GMDS: variants seen among roughly 807,000 people sequenced by gnomAD.
The protein encoded by GMDS is GDP-mannose 4,6-dehydratase, also known as GDP-mannose 4,6 dehydratase.
In GMDS, 20 loss-of-function variants were observed where a neutral mutation model predicts 49.9. That is an observed-to-expected ratio of 0.40 (90% confidence interval 0.28 to 0.58). The LOEUF is 0.58. Among genes scored for constraint, GMDS ranks in the 20% least tolerant of loss-of-function variants. The pLI, the probability that GMDS is intolerant of heterozygous loss-of-function variation, is 0.42. For missense variants in GMDS, 362 were observed against 481.4 expected (o/e 0.75, Z 2.32); for synonymous variants, 177 against 178.6 (o/e 0.99, Z 0.07).
At chr6:2,164,684 G>A (rs1777572497) in intron 1 of GMDS, among the ~76,000 whole-genome samples, 1 of 152,180 alleles carries the variant, frequency 6.6e-6, no homozygotes, top group Non-Finnish European at 1.5e-5. Flanking sequence ...CACCCTATGA[G>A]ACTGGGAGTT....
intron 7 of GMDS, among the ~76,000 whole-genome samples, chr6:1,827,088 G>A (rs976315065): frequency 3.0e-5 from 4 of 132,316 alleles, no homozygotes; most frequent in Non-Finnish European, 3.2e-5. Flanking sequence ...ATGTGTGTGT[G>A]TGTGTGTGTG....
At chr6:2,146,379 C>T (rs962831501) in intron 1 of GMDS, among the ~76,000 whole-genome samples, 1 of 152,108 alleles carries the variant, frequency 6.6e-6, no homozygotes, top group Non-Finnish European at 1.5e-5. Flanking sequence ...TCAACAGTTA[C>T]AGGGCAAGAG....
intron 9 of GMDS, among the ~76,000 whole-genome samples, chr6:1,644,964 C>T (rs1763442428): frequency 1.4e-5 from 2 of 144,206 alleles, no homozygotes; most frequent in African/African-American, 2.6e-5. Context: ...GAGACGGAGT[C>T]TTGCTTTGTC....
At chr6:2,095,108 C>T (rs571204620) in intron 4 of GMDS, among the ~76,000 whole-genome samples, 1 of 152,230 alleles carries the variant, frequency 6.6e-6, no homozygotes, top group East Asian at 1.9e-4. Flanking sequence ...TACATATTCT[C>T]ATATTCTATT....
intron 4 of GMDS, among the ~76,000 whole-genome samples, chr6:2,074,414 T>C (rs946738403): frequency 4.6e-5 from 7 of 152,142 alleles, no homozygotes; most frequent in East Asian, 3.9e-4. Flanking sequence ...TATCAGTCCA[T>C]TGTTGGATGA....
At chr6:1,888,866 T>C (rs1166124375) in intron 7 of GMDS, among the ~76,000 whole-genome samples, 1 of 152,188 alleles carries the variant, frequency 6.6e-6, no homozygotes, top group African/African-American at 2.4e-5. Flanking sequence ...ACAGGTCCCA[T>C]TCAAGTCTGA....
intron 4 of GMDS, among the ~76,000 whole-genome samples, chr6:2,061,459 G>A (rs1012478275): frequency 2.0e-5 from 3 of 152,116 alleles, no homozygotes; most frequent in Admixed American, 6.5e-5. Context: ...GCTCATGCCC[G>A]TAATCCCAAC....
intron 4 of GMDS, among the ~76,000 whole-genome samples, chr6:1,975,571 G>A (rs559583820): frequency 2.0e-5 from 3 of 152,142 alleles, no homozygotes; most frequent in Admixed American, 6.5e-5. Flanking sequence ...CTTACTTAAT[G>A]TTTTAAAAAC....
At chr6:1,698,137 T>C (rs1765407125) in intron 9 of GMDS, among the ~76,000 whole-genome samples, 1 of 152,180 alleles carries the variant, frequency 6.6e-6, no homozygotes, top group East Asian at 1.9e-4. Context: ...CAGCTGGCGC[T>C]CTGGGGCCGG....
intron 7 of GMDS, among the ~76,000 whole-genome samples, chr6:1,890,000 T>C (rs913394443): frequency 2.0e-5 from 3 of 152,162 alleles, no homozygotes; most frequent in African/African-American, 7.2e-5. Flanking sequence ...TATTTATCCA[T>C]TTATGAATTA....
chr6:2,221,630 C>T (rs1004427687), intron 1 of GMDS, among the ~76,000 whole-genome samples: 5 of 152,132 alleles, frequency 3.3e-5, no homozygotes, highest in African/African-American at 9.7e-5. Context: ...CCTCGTGATC[C>T]GACTGCCTCG....
chr6:1,791,294 A>C (rs1408247952), intron 7 of GMDS, among the ~76,000 whole-genome samples: 3 of 152,144 alleles, frequency 2.0e-5, no homozygotes, highest in African/African-American at 7.2e-5. Flanking sequence ...AAACACAGAA[A>C]TTTATTTTTT....
intron 4 of GMDS, among the ~76,000 whole-genome samples, chr6:1,966,258 A>G (rs1480680140): frequency 6.6e-6 from 1 of 151,828 alleles, no homozygotes; most frequent in Non-Finnish European, 1.5e-5. Context: ...CTATGGGATG[A>G]TTATGAAGTA....
chr6:1,735,510 G>C (rs1043082030), intron 8 of GMDS, among the ~76,000 whole-genome samples: 2 of 152,218 alleles, frequency 1.3e-5, no homozygotes, highest in Admixed American at 6.5e-5. Context: ...CCTGAAGAAT[G>C]AGTGGGAAGT....
intron 7 of GMDS, among the ~76,000 whole-genome samples, chr6:1,820,888 T>C (rs1770859900): frequency 6.6e-6 from 1 of 152,240 alleles, no homozygotes; most frequent in Non-Finnish European, 1.5e-5. Context: ...TCTCTGCTCC[T>C]GGCCACTGGG....
chr6:1,645,502 C>G (rs1302765313), intron 9 of GMDS, among the ~76,000 whole-genome samples: 1 of 152,230 alleles, frequency 6.6e-6, no homozygotes, highest in Non-Finnish European at 1.5e-5. Context: ...ACCCTGTCCT[C>G]CTGGAGGTCC....
intron 8 of GMDS, among the ~76,000 whole-genome samples, chr6:1,729,041 G>A (rs551167313): frequency 3.3e-5 from 5 of 151,914 alleles, no homozygotes; most frequent in East Asian, 3.9e-4. Context: ...CTCCTGCTTC[G>A]GCCGATCAGG....
chr6:1,715,113 A>C (rs956593092), intron 9 of GMDS, among the ~76,000 whole-genome samples: 3 of 152,244 alleles, frequency 2.0e-5, no homozygotes, highest in African/African-American at 7.2e-5. Context: ...GAGACAGGAA[A>C]GTGGCAGAAA....
At chr6:2,042,073 A>T (rs1266379270) in intron 4 of GMDS, among the ~76,000 whole-genome samples, 1 of 152,226 alleles carries the variant, frequency 6.6e-6, no homozygotes, top group African/African-American at 2.4e-5. Context: ...GAAGGAGATA[A>T]CCCTGAGATA....
Sources: gnomAD v4.1 joint callset for allele counts (sites outside exome capture counted in the v4.1 genomes callset) on GRCh38, gnomAD v4.1.1 for gene constraint, MANE v1.5 for transcripts, NCBI Gene and HGNC (gene_info 2026-07-23, HGNC 2026-07-21) for gene names.